TBX15: variants seen among roughly 807,000 people sequenced by gnomAD.
TBX15 encodes the protein T-box transcription factor TBX15.
A neutral mutation model predicts 53.9 loss-of-function variants in TBX15; 18 were observed. That is an observed-to-expected ratio of 0.33 (90% CI 0.23 to 0.49). TBX15 has a LOEUF of 0.49. Ranked by LOEUF, TBX15 falls within the 20% of genes least tolerant of loss-of-function variation. TBX15 has a pLI of 0.98. For synonymous variants in TBX15, 295 were observed against 278.0 expected, an observed-to-expected ratio of 1.06 and a Z score of -0.61; for missense variants, 692 against 749.5, an observed-to-expected ratio of 0.92 and a Z score of 0.90.
chr1:118,900,178 G>C (rs1390064514), intron 6 of TBX15, among the ~76,000 whole-genome samples: 2 of 152,130 alleles, frequency 1.3e-5, no homozygotes, highest in African/African-American at 2.4e-5. Context: ...TGTGAGAAAG[G>C]TGGGAGGAGA....
intron 2 of TBX15, among the ~76,000 whole-genome samples, chr1:118,927,171 C>T (rs1655628227): frequency 6.6e-6 from 1 of 152,096 alleles, no homozygotes; most frequent in Non-Finnish European, 1.5e-5. Flanking sequence ...CTCTTCTTAA[C>T]TTAAATTGAC....
chr1:118,914,852 CCAAG>C (rs1157813520), intron 5 of TBX15, among the ~76,000 whole-genome samples: 3 of 152,138 alleles, frequency 2.0e-5, no homozygotes, highest in Non-Finnish European at 4.4e-5. Flanking sequence ...TATCCAGTCT[CCAAG>C]ACTCACAAGC....
At chr1:118,921,439 C>T (rs1373033347) in intron 5 of TBX15, among the ~76,000 whole-genome samples, 1 of 152,166 alleles carries the variant, frequency 6.6e-6, no homozygotes, top group Admixed American at 6.5e-5. Context: ...CATTTAAAAT[C>T]ATGCAGAAAA....
At chr1:118,977,906 T>C (rs1657488075) in intron 1 of TBX15, among the ~76,000 whole-genome samples, 1 of 152,222 alleles carries the variant, frequency 6.6e-6, no homozygotes, top group African/African-American at 2.4e-5. Flanking sequence ...CAGACTCAAA[T>C]AGTAATGAGG....
At chr1:118,953,956 C>T (rs1155949) in intron 1 of TBX15, among the ~76,000 whole-genome samples, 43,699 of 151,974 alleles carry the variant, frequency 0.29, 6,631 homozygotes, top group Non-Finnish European at 0.32. Flanking sequence ...GTTCTTATAA[C>T]CAGGCCAGAC....
At chr1:118,899,248 T>C in intron 6 of TBX15, 123 bp from the exon 7 acceptor site, 1 of 889,162 alleles carries the variant, frequency 1.1e-6, no homozygotes, top group East Asian at 2.7e-5. Flanking sequence ...GCTACCACCA[T>C]CAAGGTAAAT....
chr1:118,928,703 C>A lies in TBX15; in HGVS notation c.420-2092G>T, dbSNP rs184384138. Among the ~76,000 whole-genome samples, 4 of 152,284 alleles carry A rather than the reference C, an allele frequency of 2.6e-5. No individual in the cohort carries two copies. In the East Asian group the frequency reaches 5.8e-4, roughly 22 times the overall value. On this transcript the variant is annotated intron_variant, in intron 2 of 7. Coordinates refer to ENST00000369429, the MANE Select transcript of TBX15 (RefSeq NM_001330677.2). ...TGTATTACACGAAAGAGAGAGATTT[C>A]TTTTATTCATACCTTTACAAAAAAA...
chr1:118,923,500 C>G lies in TBX15; in HGVS notation c.797G>C (p.Gly266Ala), dbSNP rs1482649662. ...SPTKPVPVGD[G>A]VKTFNFPETV... ...CTCAGGAAAGTTGAACGTTTTCACC[C>G]CATCCCCAACAGGAACAGGCTTAGT... Residue 266 changes from glycine (G) to alanine (A), a missense_variant, in exon 5 of 8, where the codon GGG becomes GCG. Transcript: ENST00000369429. 2 of 1,613,828 alleles carry G rather than the reference C, an allele frequency of 1.2e-6. No individual in the cohort carries two copies. Among genetic ancestry groups the G allele is most frequent in the Admixed American group, 3.3e-5 (2 of 59,972 alleles).
chr1:118,980,296 G>T lies in TBX15; in HGVS notation c.205+7295C>A, dbSNP rs541764458. On this transcript the variant is annotated intron_variant, in intron 1 of 7. Coordinates refer to ENST00000369429, the MANE Select transcript of TBX15 (RefSeq NM_001330677.2). ...AGAGAACGCAGCGGTGAGGGGATTC[G>T]GAAAATCGGTTCATCCAGTTGACAA... Among the ~76,000 whole-genome samples the T allele has an allele frequency of 8.5e-5, 13 of 152,166 alleles. No individual in the cohort carries two copies. The South Asian group carries it at 2.7e-3, about 32-fold the overall frequency.
intron 7 of TBX15, among the ~76,000 whole-genome samples, chr1:118,898,326 A>G (rs1475261541): frequency 6.6e-6 from 1 of 152,196 alleles, no homozygotes; most frequent in Non-Finnish European, 1.5e-5. Flanking sequence ...TAAGTTAAAT[A>G]TAATATATGG....
At chr1:118,980,414 G>A (rs565261415) in intron 1 of TBX15, among the ~76,000 whole-genome samples, 1 of 152,316 alleles carries the variant, frequency 6.6e-6, no homozygotes, top group South Asian at 2.1e-4. Context: ...CTCGTCATCT[G>A]TAGTGGGTGG....
chr1:118,984,568 C>G (rs1233712744), intron 1 of TBX15, among the ~76,000 whole-genome samples: 1 of 152,208 alleles, frequency 6.6e-6, no homozygotes, highest in Non-Finnish European at 1.5e-5. Flanking sequence ...GATCCTAGCT[C>G]GAAAGTTCCT....
At chr1:118,962,348 C>T (rs1009868621) in intron 1 of TBX15, among the ~76,000 whole-genome samples, 1 of 152,128 alleles carries the variant, frequency 6.6e-6, no homozygotes, top group African/African-American at 2.4e-5. Context: ...ATCGTGCCTA[C>T]ATTTCCTCAA....
At chr1:118,888,157 C>G (rs527289337) in intron 7 of TBX15, among the ~76,000 whole-genome samples, 3 of 152,276 alleles carry the variant, frequency 2.0e-5, no homozygotes, top group Admixed American at 6.5e-5. Flanking sequence ...AAGACAGCAG[C>G]TGGCCATGTC....
Position 118,885,451 on chromosome 1 carries a change from G to A in TBX15, c.1090C>T (p.His364Tyr). ...GGAGAACAGGATGGAGATAAAAGAT[G>A]AGAAGAAGCCGAAGGGGATGGTGTC... ...TGTPSPSASS[H>Y]LLSPSCSPPT... The change falls in exon 8 of 8, where the codon CAT becomes TAT. Residue 364 changes from histidine to tyrosine, a missense_variant. By Grantham distance (83) the His-to-Tyr change is moderately conservative. Transcript: ENST00000369429. The A allele has an allele frequency of 6.2e-7, 1 of 1,610,686 alleles. No individual in the cohort carries two copies. Among genetic ancestry groups the A allele is most frequent in the Non-Finnish European group, 8.5e-7 (1 of 1,178,334 alleles).
chr1:118,956,134 C>T (rs983621099), intron 1 of TBX15, among the ~76,000 whole-genome samples: 4 of 152,182 alleles, frequency 2.6e-5, no homozygotes, highest in East Asian at 1.9e-4. Flanking sequence ...CCAAATCTTC[C>T]ACCACCTTGA....
At chr1:118,896,014 T>G (rs771628813) in intron 7 of TBX15, among the ~76,000 whole-genome samples, 7 of 152,224 alleles carry the variant, frequency 4.6e-5, no homozygotes, top group Non-Finnish European at 1.0e-4. Context: ...AAGGGCTGCA[T>G]GCAGCCAAGA....
At chr1:118,908,794 G>T (rs1470163093) in intron 6 of TBX15, among the ~76,000 whole-genome samples, 2 of 149,720 alleles carry the variant, frequency 1.3e-5, no homozygotes, top group East Asian at 3.9e-4. Context: ...ACATATATAG[G>T]TATACTTATA....
intron 6 of TBX15, among the ~76,000 whole-genome samples, chr1:118,907,447 C>G (rs1237550831): frequency 1.3e-5 from 2 of 152,202 alleles, no homozygotes; most frequent in Non-Finnish European, 2.9e-5. Flanking sequence ...ATTTTCCAAG[C>G]TGACTTGTGC....
Sources: allele counts gnomAD v4.1 joint callset (sites outside exome capture counted in the v4.1 genomes callset), GRCh38; gene constraint gnomAD v4.1.1; transcripts MANE v1.5; gene names NCBI Gene and HGNC (gene_info 2026-07-23, HGNC 2026-07-21).